Variants in UXS1 observed in about 807,000 individuals in gnomAD.
UXS1 encodes UDP-glucuronic acid decarboxylase 1.
In UXS1, 33 loss-of-function variants were observed where a neutral mutation model predicts 62.6. That is an observed-to-expected ratio of 0.53 (90% CI 0.40 to 0.70). UXS1 has a LOEUF of 0.70. UXS1 is among the 30% of genes least tolerant of loss of function. UXS1 has a pLI of 0.00. For synonymous variants in UXS1, 213 were observed against 206.8 expected, an observed-to-expected ratio of 1.03 and a Z score of -0.26; for missense variants, 434 against 556.3, an observed-to-expected ratio of 0.78 and a Z score of 2.21.
chr2:106,127,313 G>A (rs902681117), intron 7 of UXS1, among the ~76,000 whole-genome samples: 2 of 152,144 alleles, frequency 1.3e-5, no homozygotes, highest in African/African-American at 4.8e-5. Context: ...TTAAGAAAGC[G>A]TCAAACTGTT....
intron 1 of UXS1, among the ~76,000 whole-genome samples, chr2:106,193,873 C>T (rs536162106): frequency 2.6e-5 from 4 of 152,232 alleles, no homozygotes; most frequent in South Asian, 4.1e-4. Flanking sequence ...CGCGCCCGGG[C>T]AGGAGGCAGA....
At chr2:106,108,389 A>G (rs946343673) in intron 10 of UXS1, among the ~76,000 whole-genome samples, 1 of 152,214 alleles carries the variant, frequency 6.6e-6, no homozygotes, top group Admixed American at 6.5e-5. Context: ...GACCCTGTGT[A>G]CAGCCCTCCC....
At chr2:106,172,934 T>A (rs1683655736) in intron 1 of UXS1, among the ~76,000 whole-genome samples, 1 of 152,152 alleles carries the variant, frequency 6.6e-6, no homozygotes, top group South Asian at 2.1e-4. Flanking sequence ...CCTCCCTCAG[T>A]TCATCCAAGG....
rs1159278574 is a variant in UXS1, at chr2:106,163,717, CAAT to C, written c.187-10_187-8del. ...CTCTTAGTGGTTCAACCATCTAGAA[CAAT>C]AATAACAAAAATCAGTTTTAAAGCA... On this transcript the variant is annotated splice_region_variant and splice_polypyrimidine_tract_variant and intron_variant, in intron 3 of 14. Coordinates refer to ENST00000283148, the MANE Select transcript of UXS1 (RefSeq NM_001253875.2). 2.0e-5 allele frequency: 28 copies of C among 1,425,264 alleles called. No homozygotes were observed. Among genetic ancestry groups the C allele is most frequent in the Non-Finnish European group, 2.4e-5 (26 of 1,079,414 alleles). 88.3% of individuals were successfully genotyped at this position (1,425,264 alleles called of 1,614,324 possible). A position where few individuals can be genotyped will look rare whatever the true frequency, so the allele number is the denominator to read the frequency against.
chr2:106,165,994 G>A (rs1683187987), intron 2 of UXS1, 62 bp downstream of exon 2: 58 of 1,510,744 alleles, frequency 3.8e-5, no homozygotes, highest in Non-Finnish European at 5.1e-5. Flanking sequence ...TGGTATATAT[G>A]TACCAACTGA....
At chr2:106,117,131 C>T (rs1013018425) in intron 9 of UXS1, among the ~76,000 whole-genome samples, 2 of 152,172 alleles carry the variant, frequency 1.3e-5, no homozygotes, top group African/African-American at 4.8e-5. Context: ...GCATGTCAGA[C>T]AAGTGGGCTG....
chr2:106,103,338 T>C (rs986725995), intron 11 of UXS1, among the ~76,000 whole-genome samples: 1 of 152,226 alleles, frequency 6.6e-6, no homozygotes, highest in African/African-American at 2.4e-5. Flanking sequence ...ATATTCCATG[T>C]GGTGTGGGGG....
chr2:106,142,477 C>A (rs570413831), intron 6 of UXS1, among the ~76,000 whole-genome samples: 33 of 152,208 alleles, frequency 2.2e-4, no homozygotes, highest in African/African-American at 7.7e-4. Flanking sequence ...TTCCAGATAT[C>A]TTTCTGTTAC....
intron 10 of UXS1, among the ~76,000 whole-genome samples, chr2:106,108,069 G>A (rs1214755593): frequency 6.6e-6 from 1 of 152,222 alleles, no homozygotes; most frequent in Non-Finnish European, 1.5e-5. Flanking sequence ...GTGTGCATTA[G>A]GCTAAGATGC....
rs550073405 is a variant in UXS1 at position 106,119,813 on chromosome 2, C to T, written c.759+3157G>A. Among the ~76,000 whole-genome samples, 26 of 152,202 alleles carry T rather than the reference C, an allele frequency of 1.7e-4. No individual in the cohort carries two copies. In the South Asian group the frequency reaches 3.1e-3, roughly 18 times the overall value. On this transcript the variant is annotated intron_variant, in intron 9 of 14. Coordinates refer to ENST00000283148, the MANE Select transcript of UXS1 (RefSeq NM_001253875.2). Reference sequence around the variant, plus strand: ...ATCCTGGGTTAAAGAATCATCTCAACGTCTTCATTTCAACGTTTTATATCT... The same window carrying T: ...ATCCTGGGTTAAAGAATCATCTCAATGTCTTCATTTCAACGTTTTATATCT...
chr2:106,157,990 G>T, intron 5 of UXS1, 68 bp downstream of exon 5: 1 of 1,322,970 alleles, frequency 7.6e-7, no homozygotes, highest in Non-Finnish European at 1.1e-6. Context: ...TATGATATGT[G>T]AATTATCTCT....
At chr2:106,194,076 C>T in intron 1 of UXS1, 72 bp downstream of exon 1, 1 of 1,297,516 alleles carries the variant, frequency 7.7e-7, no homozygotes, top group Non-Finnish European at 1.0e-6. Flanking sequence ...GGCCCCGAAC[C>T]ACCGCCGCCC....
chr2:106,167,610 A>T (rs554823596), intron 1 of UXS1, among the ~76,000 whole-genome samples: 4 of 152,086 alleles, frequency 2.6e-5, no homozygotes, highest in Admixed American at 1.3e-4. Flanking sequence ...AACTTGGTTT[A>T]AAAAAAAGAC....
At chr2:106,114,152 G>A (rs766572929) in intron 9 of UXS1, among the ~76,000 whole-genome samples, 13 of 152,186 alleles carry the variant, frequency 8.5e-5, no homozygotes, top group Non-Finnish European at 1.6e-4. Context: ...CAGCAGGCTT[G>A]TCAATTTCCC....
chr2:106,182,624 G>A (rs181264031), intron 1 of UXS1, among the ~76,000 whole-genome samples: 4 of 152,250 alleles, frequency 2.6e-5, no homozygotes, highest in East Asian at 1.9e-4. Flanking sequence ...CAGCACCCAC[G>A]GGCATGATCC....
chr2:106,116,126 G>T (rs920581566), intron 9 of UXS1, among the ~76,000 whole-genome samples: 3 of 152,226 alleles, frequency 2.0e-5, no homozygotes, highest in African/African-American at 7.2e-5. Context: ...CAGGCAAGAG[G>T]TGACCCAAGA....
chr2:106,124,914 C>T (rs1453011520), intron 8 of UXS1, among the ~76,000 whole-genome samples: 1 of 152,040 alleles, frequency 6.6e-6, no homozygotes, highest in African/African-American at 2.4e-5. Context: ...TTCTCTTGTC[C>T]ACAATAATAA....
In UXS1 at chr2:106,094,012, T is replaced by C. The variant is rs1415890352; in HGVS notation, c.*14A>G. ...AGTGTACAATGGTAGTCTTGTGTCC[T>C]AAAAGTGAGGAGTTCAGCTGTGGCG... On this transcript the variant is annotated 3_prime_UTR_variant, in exon 15 of 15. Transcript: ENST00000283148. The C allele has an allele frequency of 1.9e-6, 3 of 1,603,682 alleles. No homozygotes were observed. Among genetic ancestry groups the C allele is most frequent in the Non-Finnish European group, 2.5e-6 (3 of 1,177,290 alleles).
intron 1 of UXS1, among the ~76,000 whole-genome samples, chr2:106,170,029 G>A (rs144263811): frequency 3.3e-5 from 5 of 152,276 alleles, no homozygotes; most frequent in Admixed American, 6.5e-5. Flanking sequence ...GGCTGGAGAT[G>A]CACCTGGAGA....
Sources: allele counts gnomAD v4.1 joint callset (sites outside exome capture counted in the v4.1 genomes callset), GRCh38; gene constraint gnomAD v4.1.1; transcripts MANE v1.5; gene names NCBI Gene and HGNC (gene_info 2026-07-23, HGNC 2026-07-21).